Variants in NRG1 observed in about 807,000 individuals in gnomAD.
NRG1 encodes the protein neuregulin 1.
A neutral mutation model predicts 63.8 loss-of-function variants in NRG1; 18 were observed. The observed-to-expected ratio is 0.28, with a 90% confidence interval of 0.19 to 0.42. The LOEUF is 0.42. Among genes scored for constraint, NRG1 ranks in the 10% least tolerant of loss-of-function variants. The pLI, the probability that NRG1 is intolerant of heterozygous loss-of-function variation, is 1.00. For missense variants in NRG1, 762 were observed against 814.7 expected, an observed-to-expected ratio of 0.94 and a Z score of 0.79; for synonymous variants, 302 against 301.3, an observed-to-expected ratio of 1.00 and a Z score of -0.02.
chr8:32,395,021 A>G (rs1179454688), intron 1 of NRG1, among the ~76,000 whole-genome samples: 2 of 152,190 alleles, frequency 1.3e-5, no homozygotes, highest in Non-Finnish European at 2.9e-5. Context: ...ACTCTCAGCA[A>G]AAGAGAACGC....
chr8:32,226,310 C>T (rs958805986), intron 1 of NRG1, among the ~76,000 whole-genome samples: 1 of 152,122 alleles, frequency 6.6e-6, no homozygotes, highest in Non-Finnish European at 1.5e-5. Context: ...ACATCTATTA[C>T]TCAAATTTGG....
chr8:31,871,755 T>A lies in NRG1; in HGVS notation c.37+232324T>A, dbSNP rs866655782. ...TCCATGCATATCTAATTCCTCCTTTTAAAAAATACCTAAAAAATTGAAATT... is the reference window on the plus strand; with the variant it reads ...TCCATGCATATCTAATTCCTCCTTTAAAAAAATACCTAAAAAATTGAAATT... On this transcript the variant is annotated intron_variant, in intron 1 of 10. Coordinates refer to the NRG1 transcript ENST00000519301. Among the ~76,000 whole-genome samples the A allele has an allele frequency of 5.1e-4, 77 of 152,262 alleles. 1 individual carries two copies. Among genetic ancestry groups the A allele is most frequent in the African/African-American group, 1.6e-3 (67 of 41,558 alleles).
chr8:31,828,453 C>T (rs755457761), intron 1 of NRG1, among the ~76,000 whole-genome samples: 5 of 152,130 alleles, frequency 3.3e-5, no homozygotes, highest in Non-Finnish European at 5.9e-5. Flanking sequence ...ATGGCAGAAC[C>T]AAAGAGCTCT....
intron 5 of NRG1, among the ~76,000 whole-genome samples, chr8:32,725,464 A>ATTTTTTTTTTTTTTTTTTTTTTTTTTTT (rs71209904): frequency 1.5e-5 from 1 of 67,582 alleles, no homozygotes; most frequent in African/African-American, 5.6e-5. Flanking sequence ...AAACTTCCTA[A>ATTTTTTTTTTTTTTTTTTTTTTTTTTTT]TTTTTTTTTT....
At chr8:32,623,820 A>G (rs569912381) in intron 5 of NRG1, among the ~76,000 whole-genome samples, 3 of 152,322 alleles carry the variant, frequency 2.0e-5, no homozygotes, top group East Asian at 1.9e-4. Context: ...TTCTAAAGTC[A>G]TTCACTGTCT....
At chr8:32,674,182 G>A (rs1354419067) in intron 5 of NRG1, among the ~76,000 whole-genome samples, 1 of 152,102 alleles carries the variant, frequency 6.6e-6, no homozygotes, top group African/African-American at 2.4e-5. Flanking sequence ...TTTAACTGAA[G>A]AATTCGTGTT....
At chr8:32,484,929 A>C (rs1825731375) in intron 1 of NRG1, among the ~76,000 whole-genome samples, 1 of 152,224 alleles carries the variant, frequency 6.6e-6, no homozygotes, top group Admixed American at 6.5e-5. Context: ...ATCACAAAGA[A>C]GATCAGGCGT....
intron 5 of NRG1, among the ~76,000 whole-genome samples, chr8:32,643,644 G>T (rs1274095959): frequency 6.6e-6 from 1 of 152,268 alleles, no homozygotes; most frequent in East Asian, 1.9e-4. Flanking sequence ...GCTATTTCCA[G>T]GTGGTTTGTT....
At chr8:31,737,765 C>G (rs571373711) in intron 1 of NRG1, among the ~76,000 whole-genome samples, 37 of 152,220 alleles carry the variant, frequency 2.4e-4, no homozygotes, top group African/African-American at 8.9e-4. Flanking sequence ...CCCTTAAGGT[C>G]TGTTCTATGG....
chr8:31,966,825 A>G (rs546382773), intron 1 of NRG1, among the ~76,000 whole-genome samples: 3 of 145,106 alleles, frequency 2.1e-5, no homozygotes, highest in African/African-American at 7.7e-5. Flanking sequence ...ATTTGAACAC[A>G]ACTGCAATCC....
intron 1 of NRG1, among the ~76,000 whole-genome samples, chr8:31,932,056 A>G (rs1324897645): frequency 6.6e-6 from 1 of 152,098 alleles, no homozygotes; most frequent in Non-Finnish European, 1.5e-5. Flanking sequence ...ATAGGTCCTT[A>G]AAAAGGAAGG....
chr8:32,289,152 G>A (rs145784172), intron 1 of NRG1, among the ~76,000 whole-genome samples: 48 of 152,098 alleles, frequency 3.2e-4, no homozygotes, highest in African/African-American at 1.1e-3. Context: ...TTTCTTATTC[G>A]TCAATGACTC....
At chr8:32,418,763 G>A (rs183185396) in intron 1 of NRG1, among the ~76,000 whole-genome samples, 345 of 152,230 alleles carry the variant, frequency 2.3e-3, no homozygotes, top group South Asian at 6.8e-3. Context: ...TTAAGAAACA[G>A]TTTTTCGTAT....
intron 1 of NRG1, among the ~76,000 whole-genome samples, chr8:31,864,514 C>A (rs920539584): frequency 5.9e-5 from 9 of 151,958 alleles, no homozygotes; most frequent in African/African-American, 1.9e-4. Flanking sequence ...TTTGCCAGGC[C>A]CAGGCCAGTG....
chr8:32,456,038 C>T lies in NRG1; in HGVS notation c.38-139790C>T, dbSNP rs537641324. On this transcript the variant is annotated intron_variant, in intron 1 of 10. Transcript: ENST00000519301. ...ACTTCAAGTGATCTACCCACTTGGT[C>T]TCCTGAGGGAAATCTATTTATGACT... Among the ~76,000 whole-genome samples, 4 of 152,318 alleles carry T rather than the reference C, an allele frequency of 2.6e-5. No homozygotes were observed. The South Asian group carries it at 8.3e-4, about 32-fold the overall frequency.
chr8:31,985,250 A>G (rs910756266), intron 1 of NRG1, among the ~76,000 whole-genome samples: 2 of 152,110 alleles, frequency 1.3e-5, no homozygotes, highest in East Asian at 1.9e-4. Context: ...AATTGATTCT[A>G]GACCAAGCAC....
intron 1 of NRG1, among the ~76,000 whole-genome samples, chr8:32,549,330 G>A (rs1346975788): frequency 6.6e-6 from 1 of 152,256 alleles, no homozygotes; most frequent in African/African-American, 2.4e-5. Flanking sequence ...GGCCGCGTGG[G>A]AAGTTAGCTT....
At chr8:32,498,824 T>C (rs1361057936) in intron 1 of NRG1, among the ~76,000 whole-genome samples, 1 of 152,186 alleles carries the variant, frequency 6.6e-6, no homozygotes, top group Non-Finnish European at 1.5e-5. Flanking sequence ...CAAAGAGAAA[T>C]TTTGCTCTGC....
At chr8:31,809,392 ATGTGTGT>A (rs1822625019) in intron 1 of NRG1, among the ~76,000 whole-genome samples, 1 of 136,948 alleles carries the variant, frequency 7.3e-6, no homozygotes, top group Non-Finnish European at 1.6e-5. Context: ...GTGTATATAT[ATGTGTGT>A]GTGTGTATAT....
Sources: gnomAD v4.1 joint callset for allele counts (sites outside exome capture counted in the v4.1 genomes callset) on GRCh38, gnomAD v4.1.1 for gene constraint, MANE v1.5 for transcripts, NCBI Gene and HGNC (gene_info 2026-07-23, HGNC 2026-07-21) for gene names.